The following XXYLT1 variants were observed in gnomAD, a reference collection of about 807,000 sequenced individuals.
XXYLT1 encodes the protein UDP-xylose:alpha-xyloside alpha-1,3-xylosyltransferase.
XXYLT1 carries 20 observed loss-of-function variants against 28.9 expected under a neutral mutation model. The ratio of observed to expected loss-of-function variants is 0.69; its 90% CI spans 0.49 to 1.00. The LOEUF is 1.00. Ranked by LOEUF, XXYLT1 falls within the 50% of genes least tolerant of loss-of-function variation. The pLI, the probability that XXYLT1 is intolerant of heterozygous loss-of-function variation, is 0.00. For missense variants in XXYLT1, 542 were observed against 560.1 expected, an observed-to-expected ratio of 0.97 and a Z score of 0.33; for synonymous variants, 257 against 253.8, an observed-to-expected ratio of 1.01 and a Z score of -0.12.
intron 2 of XXYLT1, among the ~76,000 whole-genome samples, chr3:195,190,475 C>T (rs775491269): frequency 8.8e-6 from 1 of 114,192 alleles, no homozygotes. Flanking sequence ...GCCTGGGTGG[C>T]GAAGTGAGAC....
intron 3 of XXYLT1, among the ~76,000 whole-genome samples, chr3:195,142,703 G>A (rs1410036384): frequency 6.6e-6 from 1 of 152,272 alleles, no homozygotes; most frequent in African/African-American, 2.4e-5. Context: ...CGAGCAGGCA[G>A]CCGGGGCTGG....
intron 3 of XXYLT1, among the ~76,000 whole-genome samples, chr3:195,087,928 C>T (rs1217971115): frequency 2.6e-5 from 4 of 151,792 alleles, no homozygotes; most frequent in Admixed American, 6.5e-5. Flanking sequence ...GGGTGACAGA[C>T]GCACCTGGAA....
chr3:195,249,207 G>A (rs1052095278), intron 1 of XXYLT1, among the ~76,000 whole-genome samples: 2 of 152,248 alleles, frequency 1.3e-5, no homozygotes, highest in South Asian at 2.1e-4. Context: ...CCCGCCTGAC[G>A]TCAGAACCTA....
intron 3 of XXYLT1, among the ~76,000 whole-genome samples, chr3:195,155,067 C>A (rs1288190518): frequency 1.3e-5 from 2 of 152,218 alleles, no homozygotes; most frequent in African/African-American, 4.8e-5. Flanking sequence ...GAGGCCTACC[C>A]AGTGACTCTG....
intron 3 of XXYLT1, among the ~76,000 whole-genome samples, chr3:195,135,278 T>G (rs1192194897): frequency 1.3e-5 from 2 of 152,106 alleles, no homozygotes; most frequent in Non-Finnish European, 2.9e-5. Context: ...TCTATAATGG[T>G]CTGCTAGAGT....
chr3:195,117,741 CT>C, intron 3 of XXYLT1, among the ~76,000 whole-genome samples: 1 of 152,294 alleles, frequency 6.6e-6, no homozygotes, highest in Middle Eastern at 3.4e-3. Flanking sequence ...CTGCCCGGAG[CT>C]CAGCTCTTGT....
chr3:195,213,681 C>T (rs1475783344), intron 2 of XXYLT1, among the ~76,000 whole-genome samples: 1 of 152,206 alleles, frequency 6.6e-6, no homozygotes, highest in East Asian at 1.9e-4. Context: ...TTACACAAAG[C>T]TAAATGTTTT....
At chr3:195,202,472 C>T (rs564828932) in intron 2 of XXYLT1, among the ~76,000 whole-genome samples, 29 of 150,694 alleles carry the variant, frequency 1.9e-4, no homozygotes, top group Admixed American at 1.8e-3. Flanking sequence ...ACGTGTCAAT[C>T]CAAAGATGAA....
chr3:195,118,400 C>A (rs879685726), intron 3 of XXYLT1, among the ~76,000 whole-genome samples: 1 of 152,236 alleles, frequency 6.6e-6, no homozygotes, highest in African/African-American at 2.4e-5. Context: ...CGTGACTACA[C>A]AATGACTGCC....
chr3:195,196,101 C>T (rs999458636), intron 2 of XXYLT1, among the ~76,000 whole-genome samples: 2 of 152,244 alleles, frequency 1.3e-5, no homozygotes, highest in Non-Finnish European at 2.9e-5. Flanking sequence ...AACCCTGTGC[C>T]TGATGGAAAC....
At chr3:195,179,983 A>G (rs1371397435) in intron 2 of XXYLT1, among the ~76,000 whole-genome samples, 1 of 152,038 alleles carries the variant, frequency 6.6e-6, no homozygotes, top group Non-Finnish European at 1.5e-5. Context: ...CCCCCAACAC[A>G]GGCAGGCTCC....
chr3:195,114,610 G>T (rs908861542), intron 3 of XXYLT1, among the ~76,000 whole-genome samples: 1 of 152,154 alleles, frequency 6.6e-6, no homozygotes. Context: ...TGACAGTGCT[G>T]GGAGGACATC....
At chr3:195,107,647 G>A (rs1717220275) in intron 3 of XXYLT1, among the ~76,000 whole-genome samples, 2 of 36,756 alleles carry the variant, frequency 5.4e-5, no homozygotes, top group Admixed American at 2.5e-4. Flanking sequence ...AGGAGGAGGA[G>A]GAGGAGGAGG....
intron 3 of XXYLT1, among the ~76,000 whole-genome samples, chr3:195,075,888 G>A (rs1468953826): frequency 6.6e-6 from 1 of 152,180 alleles, no homozygotes; most frequent in Non-Finnish European, 1.5e-5. Flanking sequence ...CAGGCTGAGT[G>A]GGCACTGGGG....
chr3:195,227,926 G>T (rs1040959621), intron 1 of XXYLT1, among the ~76,000 whole-genome samples: 1 of 152,212 alleles, frequency 6.6e-6, no homozygotes, highest in Non-Finnish European at 1.5e-5. Flanking sequence ...CGCAGCCCCA[G>T]CTTCACATGT....
At chr3:195,074,074 G>T (rs1048817615) in intron 3 of XXYLT1, among the ~76,000 whole-genome samples, 4 of 151,878 alleles carry the variant, frequency 2.6e-5, no homozygotes, top group African/African-American at 7.3e-5. Context: ...TTTTGCCTCC[G>T]ACTCTTCGTG....
chr3:195,098,944 G>A (rs1716612015), intron 3 of XXYLT1, among the ~76,000 whole-genome samples: 2 of 152,230 alleles, frequency 1.3e-5, no homozygotes, highest in Admixed American at 6.5e-5. Context: ...CTTGGGACAT[G>A]TGCCCCTTGG....
At chr3:195,086,367 G>A (rs928118536) in intron 3 of XXYLT1, among the ~76,000 whole-genome samples, 1 of 152,220 alleles carries the variant, frequency 6.6e-6, no homozygotes, top group African/African-American at 2.4e-5. Context: ...AAGGTAGCCA[G>A]GTCTGGCGTC....
intron 3 of XXYLT1, among the ~76,000 whole-genome samples, chr3:195,112,509 C>G (rs1474016651): frequency 5.9e-5 from 2 of 34,030 alleles, no homozygotes; most frequent in East Asian, 4.9e-4. Context: ...CACACCCACA[C>G]ACACCCACAC....
Sources: gnomAD v4.1 joint callset for allele counts (sites outside exome capture counted in the v4.1 genomes callset) on GRCh38, gnomAD v4.1.1 for gene constraint, MANE v1.5 for transcripts, NCBI Gene and HGNC (gene_info 2026-07-23, HGNC 2026-07-21) for gene names.